The following SGCZ variants were observed in gnomAD, a reference collection of about 807,000 sequenced individuals.
SGCZ encodes the protein sarcoglycan zeta, also known as zeta-sarcoglycan.
In SGCZ, 40 loss-of-function variants were observed where a neutral mutation model predicts 41.3. The ratio of observed to expected loss-of-function variants is 0.97; its 90% CI spans 0.75 to 1.26. The LOEUF (loss-of-function observed/expected upper bound fraction) is 1.26. Among genes scored for constraint, SGCZ ranks in the 50% most tolerant of loss-of-function variants. The pLI, the probability that SGCZ is intolerant of heterozygous loss-of-function variation, is 0.00. For synonymous variants in SGCZ, 206 were observed against 137.5 expected, an observed-to-expected ratio of 1.50 and a Z score of -3.49; for missense variants, 552 against 369.8, an observed-to-expected ratio of 1.49 and a Z score of -4.04.
intron 2 of SGCZ, among the ~76,000 whole-genome samples, chr8:14,413,608 G>T: frequency 6.6e-6 from 1 of 151,946 alleles, no homozygotes; most frequent in East Asian, 1.9e-4. Context: ...AATATATGCT[G>T]ATAATGTTTA....
intron 1 of SGCZ, among the ~76,000 whole-genome samples, chr8:14,728,532 A>G (rs1810133965): frequency 6.6e-6 from 1 of 152,240 alleles, no homozygotes; most frequent in East Asian, 1.9e-4. Flanking sequence ...ATAGTAAAAT[A>G]ATGGAGATTT....
At chr8:14,994,523 G>C (rs1802144775) in intron 1 of SGCZ, among the ~76,000 whole-genome samples, 1 of 151,884 alleles carries the variant, frequency 6.6e-6, no homozygotes, top group Admixed American at 6.6e-5. Flanking sequence ...GGCGGCGGTT[G>C]CAGTGAGTCG....
At chr8:14,348,333 A>G (rs1802963380) in intron 2 of SGCZ, among the ~76,000 whole-genome samples, 1 of 152,106 alleles carries the variant, frequency 6.6e-6, no homozygotes, top group Non-Finnish European at 1.5e-5. Context: ...GGCATTTGGA[A>G]TAAAAGTTAC....
intron 1 of SGCZ, among the ~76,000 whole-genome samples, chr8:14,579,031 A>T (rs368498413): frequency 6.6e-6 from 1 of 152,152 alleles, no homozygotes; most frequent in South Asian, 2.1e-4. Context: ...GCCTTTATCC[A>T]TTCCTCCAGT....
chr8:14,790,631 G>A (rs760652003), intron 1 of SGCZ, among the ~76,000 whole-genome samples: 10 of 152,060 alleles, frequency 6.6e-5, no homozygotes, highest in Non-Finnish European at 1.2e-4. Flanking sequence ...CCAATAATAC[G>A]GAGATAGTTA....
intron 1 of SGCZ, among the ~76,000 whole-genome samples, chr8:14,870,042 T>TATCCCC (rs1804088351): frequency 1.3e-5 from 2 of 152,182 alleles, no homozygotes; most frequent in African/African-American, 2.4e-5. Context: ...CCCATCAAGC[T>TATCCCC]ACCATTGACT....
At chr8:14,742,343 T>C (rs1737337522) in intron 1 of SGCZ, among the ~76,000 whole-genome samples, 1 of 151,998 alleles carries the variant, frequency 6.6e-6, no homozygotes, top group African/African-American at 2.4e-5. Flanking sequence ...GCAACTGACA[T>C]TAGTTTTGTA....
chr8:15,009,132 A>T lies in SGCZ; in HGVS notation c.39+228453T>A, dbSNP rs181483501. The stretch of plus-strand genomic sequence containing the variant: ...CATAAAGAAATACCTAAGACTGGGT[A>T]ATTTATAAAGAAAAGAGGTTTACTT... On this transcript the variant is annotated intron_variant, in intron 1 of 7. Coordinates refer to ENST00000382080, the MANE Select transcript of SGCZ (RefSeq NM_139167.4). 2.1e-3 allele frequency among the ~76,000 whole-genome samples: 319 copies of T among 152,328 alleles called. 1 individual carries two copies. The highest frequency in any genetic ancestry group is 7.1e-3 in the African/African-American group (295 of 41,570).
intron 3 of SGCZ, among the ~76,000 whole-genome samples, chr8:14,297,546 C>T (rs911686668): frequency 1.3e-5 from 2 of 151,704 alleles, no homozygotes; most frequent in African/African-American, 2.4e-5. Context: ...ACCAAAATTA[C>T]CGCTTTCTAG....
chr8:14,996,774 C>A (rs976516359), intron 1 of SGCZ, among the ~76,000 whole-genome samples: 25 of 152,178 alleles, frequency 1.6e-4, no homozygotes, highest in Admixed American at 6.5e-5. Flanking sequence ...GACATTTGGG[C>A]TAAGAAACAC....
At chr8:14,651,312 T>G (rs1199602176) in intron 1 of SGCZ, among the ~76,000 whole-genome samples, 1 of 152,116 alleles carries the variant, frequency 6.6e-6, no homozygotes, top group African/African-American at 2.4e-5. Flanking sequence ...TTTAACATAT[T>G]ATTTCCTTAT....
chr8:14,950,315 A>G (rs529317688), intron 1 of SGCZ, among the ~76,000 whole-genome samples: 41 of 151,228 alleles, frequency 2.7e-4, no homozygotes, highest in Non-Finnish European at 5.3e-4. Context: ...TGTTTTATGT[A>G]TCTCCCTCCC....
At chr8:14,736,273 G>A (rs919481299) in intron 1 of SGCZ, among the ~76,000 whole-genome samples, 6 of 152,072 alleles carry the variant, frequency 3.9e-5, no homozygotes, top group Non-Finnish European at 7.4e-5. Context: ...GCACCAGTTT[G>A]TGTAACTGGA....
intron 1 of SGCZ, among the ~76,000 whole-genome samples, chr8:14,724,614 CAG>C (rs1041773364): frequency 6.6e-6 from 1 of 151,518 alleles, no homozygotes; most frequent in Non-Finnish European, 1.5e-5. Context: ...TATAAATAAT[CAG>C]AGTGAATATA....
intron 4 of SGCZ, among the ~76,000 whole-genome samples, chr8:14,192,925 T>C (rs1421401712): frequency 1.1e-4 from 17 of 152,074 alleles, no homozygotes; most frequent in Admixed American, 1.0e-3. Context: ...TTGGTGTACA[T>C]GTCCGTGTAT....
intron 1 of SGCZ, among the ~76,000 whole-genome samples, chr8:15,141,301 T>G (rs1313362951): frequency 2.0e-5 from 3 of 152,236 alleles, no homozygotes; most frequent in African/African-American, 7.2e-5. Flanking sequence ...TTCTTTTTCC[T>G]GGTAAGATCT....
intron 1 of SGCZ, among the ~76,000 whole-genome samples, chr8:14,798,072 C>A (rs955340560): frequency 2.6e-5 from 4 of 152,174 alleles, no homozygotes; most frequent in African/African-American, 9.7e-5. Context: ...AATGTTGGGG[C>A]CCACTGGAAC....
chr8:14,413,954 G>C (rs1799428013), intron 2 of SGCZ, among the ~76,000 whole-genome samples: 1 of 151,862 alleles, frequency 6.6e-6, no homozygotes, highest in Non-Finnish European at 1.5e-5. Flanking sequence ...TGCAAGACTG[G>C]TTCCTTCTCC....
chr8:15,178,820 GC>G (rs1254009464), intron 1 of SGCZ, among the ~76,000 whole-genome samples: 1 of 152,058 alleles, frequency 6.6e-6, no homozygotes. Flanking sequence ...CTAGACGAAG[GC>G]AAACAAGTTC....
Sources: allele counts gnomAD v4.1 joint callset (sites outside exome capture counted in the v4.1 genomes callset), GRCh38; gene constraint gnomAD v4.1.1; transcripts MANE v1.5; gene names NCBI Gene and HGNC (gene_info 2026-07-23, HGNC 2026-07-21).